Variants in MCTP2 observed in about 807,000 individuals in gnomAD.
MCTP2 encodes multiple C2 and transmembrane domain containing 2, also known as multiple C2 and transmembrane domain-containing protein 2.
A neutral mutation model predicts 111.6 loss-of-function variants in MCTP2; 132 were observed. The observed-to-expected ratio is 1.18, with a 90% CI of 1.03 to 1.37. MCTP2 has a LOEUF of 1.37. Among genes scored for constraint, MCTP2 ranks in the 40% most tolerant of loss-of-function variants. MCTP2 has a pLI of 0.00. For missense variants in MCTP2, 1,183 were observed against 1,067.9 expected, an observed-to-expected ratio of 1.11 and a Z score of -1.50; for synonymous variants, 395 against 387.7, an observed-to-expected ratio of 1.02 and a Z score of -0.22.
At chr15:94,247,715 C>T (rs561476059) in intron 1 of MCTP2, among the ~76,000 whole-genome samples, 1 of 152,248 alleles carries the variant, frequency 6.6e-6, no homozygotes, top group Non-Finnish European at 1.5e-5. Flanking sequence ...TGCCCTGTAC[C>T]TTATCATAGA....
intron 13 of MCTP2, among the ~76,000 whole-genome samples, chr15:94,384,344 A>T (rs1033555469): frequency 1.3e-5 from 2 of 152,208 alleles, no homozygotes; most frequent in African/African-American, 4.8e-5. Context: ...TTTGTAAAGT[A>T]GATCTTTTAG....
Position 94,243,254 on chromosome 15 carries a change from TATAC to T in MCTP2, c.-66+11599_-66+11602del, listed in dbSNP as rs377213756. Among the ~76,000 whole-genome samples the T allele has an allele frequency of 4.8e-4, 72 of 149,528 alleles. 2 individuals carry two copies. The East Asian group carries it at 8.5e-3, about 18-fold the overall frequency. ...GTACATACACATGCGTATATGCGTA[TATAC>T]ATACATACGTATGCGTACATACGTA... is the stretch of plus-strand genomic sequence containing the variant. On this transcript the variant is annotated intron_variant, in intron 1 of 22. Coordinates refer to ENST00000357742, the MANE Select transcript of MCTP2 (RefSeq NM_001385001.1).
chr15:94,415,657 C>T (rs1392373519), intron 17 of MCTP2, among the ~76,000 whole-genome samples: 3 of 151,588 alleles, frequency 2.0e-5, no homozygotes, highest in African/African-American at 2.4e-5. Flanking sequence ...CCTCCCAACA[C>T]ACCCCCATTC....
At chr15:94,246,182 C>G (rs1302330404) in intron 1 of MCTP2, among the ~76,000 whole-genome samples, 1 of 152,080 alleles carries the variant, frequency 6.6e-6, no homozygotes, top group Non-Finnish European at 1.5e-5. Context: ...TAGGAATGGA[C>G]ACTGAAACCG....
At chr15:94,315,494 A>AT in intron 3 of MCTP2, 35 bp from the exon 4 acceptor site, 1 of 1,495,102 alleles carries the variant, frequency 6.7e-7, no homozygotes. Flanking sequence ...TGGGCCCAAG[A>AT]CATACTGTCT....
intron 1 of MCTP2, among the ~76,000 whole-genome samples, chr15:94,241,992 C>T (rs1222315013): frequency 6.6e-6 from 1 of 152,114 alleles, no homozygotes; most frequent in Admixed American, 6.6e-5. Context: ...TAGCACTACT[C>T]TGTATGGTTG....
At chr15:94,306,061 A>G (rs989773129) in intron 2 of MCTP2, among the ~76,000 whole-genome samples, 1 of 152,206 alleles carries the variant, frequency 6.6e-6, no homozygotes, top group African/African-American at 2.4e-5. Context: ...AGACACTGAA[A>G]AAAATGACCA....
intron 12 of MCTP2, 73 bp from the exon 13 acceptor site, chr15:94,383,949 A>T: frequency 9.3e-7 from 1 of 1,077,726 alleles, no homozygotes; most frequent in Non-Finnish European, 1.4e-6. Context: ...ACTTTATCTG[A>T]CTCTTGTTCA....
chr15:94,463,916 G>C (rs2152532380), intron 20 of MCTP2, among the ~76,000 whole-genome samples: 1 of 151,862 alleles, frequency 6.6e-6, no homozygotes, highest in East Asian at 1.9e-4. Context: ...TTACATTCTT[G>C]GAATAAACCC....
chr15:94,335,213 C>T (rs74028572), intron 4 of MCTP2, among the ~76,000 whole-genome samples: 5,475 of 152,154 alleles, frequency 0.036, 324 homozygotes, highest in African/African-American at 0.12. Flanking sequence ...CCCTGCTGCT[C>T]GTGAGTGAAC....
intron 15 of MCTP2, chr15:94,399,432 G>A (rs1489688985): frequency 5.5e-6 from 1 of 182,378 alleles, no homozygotes; most frequent in East Asian, 1.6e-4. Flanking sequence ...AAGTCCCTCT[G>A]ACCCTCAGTT....
intron 1 of MCTP2, among the ~76,000 whole-genome samples, chr15:94,267,830 A>G (rs1048850797): frequency 1.3e-5 from 2 of 149,538 alleles, no homozygotes; most frequent in Non-Finnish European, 3.0e-5. Flanking sequence ...TTTAGTTTCA[A>G]ATGTAATGGC....
chr15:94,412,952 C>T (rs560223841), intron 17 of MCTP2, among the ~76,000 whole-genome samples: 101 of 152,206 alleles, frequency 6.6e-4, no homozygotes, highest in Non-Finnish European at 1.1e-3. Context: ...GCACCTCTTT[C>T]GGCAAATTTG....
At chr15:94,478,076 G>A (rs1226526749) in intron 22 of MCTP2, among the ~76,000 whole-genome samples, 2 of 152,130 alleles carry the variant, frequency 1.3e-5, no homozygotes, top group Admixed American at 1.3e-4. Context: ...GAGCACATGT[G>A]GTCTGTAATA....
intron 17 of MCTP2, among the ~76,000 whole-genome samples, chr15:94,435,678 C>A (rs1267090868): frequency 4.7e-5 from 6 of 127,408 alleles, no homozygotes; most frequent in Non-Finnish European, 9.9e-5. Flanking sequence ...GTCGCCCAGG[C>A]TGGAGTGCAG....
intron 1 of MCTP2, among the ~76,000 whole-genome samples, chr15:94,235,285 A>G (rs1181812002): frequency 1.3e-5 from 2 of 151,402 alleles, no homozygotes; most frequent in African/African-American, 4.9e-5. Context: ...GGTGGTTTAG[A>G]CTCATTCATT....
rs776061664 is a variant in MCTP2 at position 94,476,810 on chromosome 15, TACC to T, written c.2568+22_2568+24del. On this transcript the variant is annotated intron_variant, in intron 22 of 22. Transcript: ENST00000357742. ...GTTCAAAAGGTATGTAATGAATGGT[TACC>T]ACCAACAGTGGCCCCAACCTGAAAT... The T allele has an allele frequency of 4.2e-6, 6 of 1,424,426 alleles. No individual in the cohort carries two copies. The highest frequency in any genetic ancestry group is 2.8e-5 in the African/African-American group (2 of 71,066). 88.2% of individuals were successfully genotyped at this position (1,424,426 alleles called of 1,614,324 possible).
intron 7 of MCTP2, among the ~76,000 whole-genome samples, chr15:94,344,777 T>G (rs2077872256): frequency 6.6e-6 from 1 of 152,200 alleles, no homozygotes; most frequent in African/African-American, 2.4e-5. Flanking sequence ...TTTTATAATA[T>G]CTGAGTATTT....
intron 17 of MCTP2, among the ~76,000 whole-genome samples, chr15:94,425,368 A>C (rs1326908666): frequency 6.6e-6 from 1 of 152,162 alleles, no homozygotes; most frequent in African/African-American, 2.4e-5. Flanking sequence ...TTTCTTCTTC[A>C]AGAATGTCTT....
Sources: allele counts gnomAD v4.1 joint callset (sites outside exome capture counted in the v4.1 genomes callset), GRCh38; gene constraint gnomAD v4.1.1; transcripts MANE v1.5; gene names NCBI Gene and HGNC (gene_info 2026-07-23, HGNC 2026-07-21).